Variants in C3 observed in about 807,000 individuals in gnomAD.
C3 encodes C3 and PZP-like alpha-2-macroglobulin domain-containing protein 1.
Under a neutral mutation model 207.9 loss-of-function variants are expected in C3, and 97 were observed. The ratio of observed to expected loss-of-function variants is 0.47; its 90% CI spans 0.40 to 0.55. The LOEUF (loss-of-function observed/expected upper bound fraction) is 0.55, where lower values mean the gene tolerates loss of function less well. Among genes scored for constraint, C3 ranks in the 20% least tolerant of loss-of-function variants. C3 has a pLI of 0.00. For synonymous variants in C3, 848 were observed against 857.6 expected (o/e 0.99, Z 0.20); for missense variants, 1,684 against 2,171.7 (o/e 0.78, Z 4.46).
At chr19:6,708,638 T>C (rs1245579461) in intron 14 of C3, among the ~76,000 whole-genome samples, 1 of 141,770 alleles carries the variant, frequency 7.1e-6, no homozygotes, top group Non-Finnish European at 1.5e-5. Flanking sequence ...TTTCTTTTTC[T>C]TTCTCTCTGT....
chr19:6,707,562 A>C (rs778142716), intron 15 of C3, 25 bp from the exon 16 acceptor site: 1 of 1,613,376 alleles, frequency 6.2e-7, no homozygotes, highest in East Asian at 2.2e-5. Flanking sequence ...GACCGAGAAG[A>C]AGATGGATGA....
rs752850583 is a variant in C3, at chr19:6,681,956, G to C, written c.4335C>G (p.Ile1445Met). Residue 1445 changes from isoleucine to methionine, a missense_variant, in exon 35 of 41, where the codon ATC becomes ATG. Transcript: ENST00000245907. ...GCAGCCTTACCTTGTCCAGGTAGATGATGAGGGTGTTCCTATCGGAGAAGG... is the reference window on the plus strand; with the variant it reads ...GCAGCCTTACCTTGTCCAGGTAGATCATGAGGGTGTTCCTATCGGAGAAGG... ...DKAFSDRNTL[I>M]IYLDKVSHSE... 1 of 1,613,620 alleles carries C rather than the reference G, an allele frequency of 6.2e-7. No homozygotes were observed. Among genetic ancestry groups the C allele is most frequent in the Non-Finnish European group, 8.5e-7 (1 of 1,179,650 alleles).
intron 17 of C3, 35 bp from the exon 18 acceptor site, chr19:6,702,614 C>T: frequency 1.4e-6 from 2 of 1,438,148 alleles, no homozygotes; most frequent in East Asian, 2.3e-5. Context: ...TAGAACAGAG[C>T]AGGCCAGTTG....
Position 6,696,485 on chromosome 19 carries a change from T to A in C3, c.2864-20A>T. 6.2e-7 allele frequency: 1 copy of A among 1,606,308 alleles called. No homozygotes were observed. Among genetic ancestry groups the A allele is most frequent in the Non-Finnish European group, 8.5e-7 (1 of 1,173,394 alleles). On this transcript the variant is annotated intron_variant, in intron 22 of 40. Coordinates refer to ENST00000245907, the MANE Select transcript of C3 (RefSeq NM_000064.4). ...CTCCTTCTGCAGGGTGAGTGAGAGA[T>A]ACCGATGGCTCTAGCTCCCTCCCGC... is the stretch of plus-strand genomic sequence containing the variant.
chr19:6,695,732 G>A (rs941025561), intron 23 of C3, among the ~76,000 whole-genome samples: 2 of 151,980 alleles, frequency 1.3e-5, no homozygotes, highest in Non-Finnish European at 2.9e-5. Flanking sequence ...GCCTGCCTCG[G>A]CCTCCCAAAG....
At chr19:6,700,118 T>C (rs1311938021) in intron 19 of C3, among the ~76,000 whole-genome samples, 1 of 144,988 alleles carries the variant, frequency 6.9e-6, no homozygotes, top group Non-Finnish European at 1.5e-5. Context: ...TTATGGTTTA[T>C]TATAATTCAT....
chr19:6,711,149 C>G lies in C3; in HGVS notation c.1317G>C (p.Arg439Ser), dbSNP rs1364540976. The change falls in exon 12 of 41, where the codon AGG (arginine) becomes AGC (serine). Residue 439 changes from arginine (R) to serine (S), a missense_variant. By Grantham distance (110) the Arg-to-Ser change is moderately radical (BLOSUM62 -1). This residue lies in a region of C3 where 1,280 missense variants were observed against 1,739.1 expected (regional missense o/e 0.74). Transcript: ENST00000245907. ...QELSEAEQAT[R>S]TMQALPYSTV... ...TGCTGTAGGGCAGAGCCTGCATGGT[C>G]CTGGTAGCCTGCTCTGCCTCCGAGA... 5 of 1,613,982 alleles carry G rather than the reference C, an allele frequency of 3.1e-6. No homozygotes were observed. Among genetic ancestry groups the G allele is most frequent in the Non-Finnish European group, 3.4e-6 (4 of 1,180,018 alleles).
At chr19:6,703,174 C>A (rs547242657) in intron 17 of C3, among the ~76,000 whole-genome samples, 4 of 152,106 alleles carry the variant, frequency 2.6e-5, no homozygotes, top group Non-Finnish European at 4.4e-5. Flanking sequence ...TGAATTTTCA[C>A]GAGCCCCAGA....
rs1967983659 is a variant in C3 at position 6,714,200 on chromosome 19, C to G, written c.648G>C (p.Gln216His). The change falls in exon 6 of 41, where the codon CAG becomes CAC. Residue 216 changes from glutamine (Q) to histidine (H), a missense_variant. Gln to His is a conservative substitution (Grantham distance 24). Transcript: ENST00000245907. ...TCACCTCAAACTCAGTGGAGAAGAC[C>G]TGCTGTGGTGAGTTTTCATAGTAGG... is the stretch of plus-strand genomic sequence containing the variant. ...IRAYYENSPQ[Q>H]VFSTEFEVKE... 1.2e-6 allele frequency: 2 copies of G among 1,613,778 alleles called. No homozygotes were observed. The highest frequency in any genetic ancestry group is 1.7e-6 in the Non-Finnish European group (2 of 1,179,992).
rs1439822105 is a variant in C3, at chr19:6,720,459, A to C, written c.74+57T>G. On this transcript the variant is annotated intron_variant, in intron 1 of 40. Transcript: ENST00000245907. ...ATTCTACAGGGACCTGGACCCCCAA[A>C]TGTCTGCTTCCACCCCAGAACCAGC... is the stretch of plus-strand genomic sequence containing the variant. 2.3e-6 allele frequency: 3 copies of C among 1,292,714 alleles called. No individual in the cohort carries two copies. The African/African-American group carries it at 4.4e-5, about 19-fold the overall frequency. The allele number at this position is 1,292,714 out of a possible 1,614,324, so 80.1% of individuals were successfully genotyped here.
Position 6,697,065 on chromosome 19 carries a change from T to A in C3, c.2796+279A>T, listed in dbSNP as rs1180733459. Among the ~76,000 whole-genome samples the A allele has an allele frequency of 0.025, 1,920 of 77,616 alleles. 119 individuals are homozygous for A. The highest frequency in any genetic ancestry group is 0.07 in the African/African-American group (1,381 of 19,774). 50.9% of individuals were successfully genotyped at this position (77,616 alleles called of 152,430 possible). A position where few individuals can be genotyped will look rare whatever the true frequency, so the allele number is the denominator to read the frequency against. On this transcript the variant is annotated intron_variant, in intron 21 of 40. Coordinates refer to ENST00000245907, the MANE Select transcript of C3 (RefSeq NM_000064.4). ...TCAAAAAAATAAACAAACAAATAAA[T>A]AAATAAATAAAAAATTTCAAATCGA...
At position 6,686,300 on chromosome 19, in the gene C3, T is replaced by C. The variant is rs760807491; in HGVS notation, c.3647-13A>G. 2.5e-5 allele frequency: 40 copies of C among 1,613,524 alleles called. No homozygotes were observed. The highest frequency in any genetic ancestry group is 5.0e-5 in the Admixed American group (3 of 60,008). On this transcript the variant is annotated splice_polypyrimidine_tract_variant and intron_variant, in intron 28 of 40. Coordinates refer to ENST00000245907, the MANE Select transcript of C3 (RefSeq NM_000064.4). ...CAGCGGTTCTTATCTGCAAAGAAGATACCCCATCCCCAGTGCTCACTGCTC... is the reference window on the plus strand; with the variant it reads ...CAGCGGTTCTTATCTGCAAAGAAGACACCCCATCCCCAGTGCTCACTGCTC...
intron 40 of C3, 36 bp downstream of exon 40, chr19:6,678,116 C>A: frequency 1.2e-6 from 2 of 1,614,012 alleles, no homozygotes; most frequent in South Asian, 1.1e-5. Flanking sequence ...GCGGGGCAGT[C>A]GGGCGGTCGC....
chr19:6,703,415 T>C (rs1967713746), intron 17 of C3, among the ~76,000 whole-genome samples: 1 of 152,084 alleles, frequency 6.6e-6, no homozygotes, highest in African/African-American at 2.4e-5. Context: ...CGAGACAGCC[T>C]GGCCAATGTG....
chr19:6,720,631 G>A lies in C3; in HGVS notation c.-42C>T, dbSNP rs1172668441. ...AGGGTCAGAGGGACAGAGGGACAGA[G>A]GGAGAGGATGGGGAGGAGTGAGCAG... is the stretch of plus-strand genomic sequence containing the variant. On this transcript the variant is annotated 5_prime_UTR_variant, in exon 1 of 41. Transcript: ENST00000245907. 3 of 1,464,624 alleles carry A rather than the reference G, an allele frequency of 2.0e-6. No homozygotes were observed. Among genetic ancestry groups the A allele is most frequent in the East Asian group, 4.9e-5 (2 of 41,054 alleles). 90.7% of individuals were successfully genotyped at this position (1,464,624 alleles called of 1,614,324 possible). A position where few individuals can be genotyped will look rare whatever the true frequency, so the allele number is the denominator to read the frequency against.
intron 18 of C3, 46 bp from the exon 19 acceptor site, chr19:6,702,258 G>T: frequency 8.1e-7 from 1 of 1,241,890 alleles, no homozygotes; most frequent in Middle Eastern, 1.9e-4. Context: ...CATCTAGCAG[G>T]GTGGTAGAGG....
Position 6,714,723 on chromosome 19 carries a change from A to G in C3, c.505-277T>C, listed in dbSNP as rs1046091461. Among the ~76,000 whole-genome samples the G allele has an allele frequency of 7.2e-5, 11 of 152,284 alleles. No homozygotes were observed. In the East Asian group the frequency reaches 1.9e-3, roughly 27 times the overall value. On this transcript the variant is annotated intron_variant, in intron 4 of 40. Transcript: ENST00000245907. ...CTAAAAATACAAAAATTAGCCAGGC[A>G]TGGTGGTAGGCACCCGTAATCCCAG...
In C3 at chr19:6,707,853, T is replaced by G. The variant is rs767159594; in HGVS notation, c.1922A>C (p.Asp641Ala). 1 of 1,614,000 alleles carries G rather than the reference T, an allele frequency of 6.2e-7. No homozygotes were observed. Among genetic ancestry groups the G allele is most frequent in the Non-Finnish European group, 8.5e-7 (1 of 1,180,006 alleles). Reference protein sequence around the residue: ...SGKDYAGVFSDAGLTFTSSSG... With the variant: ...SGKDYAGVFSAAGLTFTSSSG... ...GCTGCTCGTGAAGGTCAGCCCTGCG[T>G]CGGAGAAGACACCGGCGTAATCCTT... Residue 641 changes from aspartate (D) to alanine (A), a missense_variant, in exon 15 of 41, where the codon GAC becomes GCC. Coordinates refer to ENST00000245907, the MANE Select transcript of C3 (RefSeq NM_000064.4).
At chr19:6,720,442 G>C (rs1968137308) in intron 1 of C3, 74 bp downstream of exon 1, 2 of 1,077,450 alleles carry the variant, frequency 1.9e-6, no homozygotes, top group South Asian at 2.7e-5. Flanking sequence ...GAATTCTACA[G>C]GGACCTGGAC....
Sources: allele counts gnomAD v4.1 joint callset (sites outside exome capture counted in the v4.1 genomes callset), GRCh38; gene constraint gnomAD v4.1.1; regional missense constraint gnomAD v4.1.1; transcripts MANE v1.5; gene names NCBI Gene and HGNC (gene_info 2026-07-23, HGNC 2026-07-21).